The following DCDC2 variants were observed in gnomAD, a reference collection of about 807,000 sequenced individuals.
The protein encoded by DCDC2 is doublecortin domain containing 2.
Under a neutral mutation model 50.2 loss-of-function variants are expected in DCDC2, and 40 were observed. The ratio of observed to expected loss-of-function variants is 0.80; its 90% CI spans 0.62 to 1.04. DCDC2 has a LOEUF of 1.04. Ranked by LOEUF, DCDC2 falls within the 50% of genes least tolerant of loss-of-function variation. The pLI is 0.00. For missense variants in DCDC2, 570 were observed against 581.9 expected (o/e 0.98, Z 0.21); for synonymous variants, 234 against 210.6 (o/e 1.11, Z -0.96).
rs187035128 is a variant in DCDC2 at position 24,194,084 on chromosome 6, A to G, written c.1023+10918T>C. Among the ~76,000 whole-genome samples, 590 of 152,260 alleles carry G rather than the reference A, an allele frequency of 3.9e-3. 3 individuals are homozygous for G. The highest frequency in any genetic ancestry group is 0.013 in the African/African-American group (529 of 41,578). ...AACCAAGCACCTCAGATGTATTAAA[A>G]TGGGAGAGGGGATTAGGAATATAGC... On this transcript the variant is annotated intron_variant, in intron 8 of 9. Coordinates refer to ENST00000378454, the MANE Select transcript of DCDC2 (RefSeq NM_016356.5).
rs1177875923 is a variant in DCDC2 at position 24,282,145 on chromosome 6, A to G, written c.760-3934T>C. Among the ~76,000 whole-genome samples the G allele has an allele frequency of 4.6e-5, 7 of 152,226 alleles. No homozygotes were observed. The East Asian group carries it at 9.6e-4, about 21-fold the overall frequency. On this transcript the variant is annotated intron_variant, in intron 6 of 9. Coordinates refer to ENST00000378454, the MANE Select transcript of DCDC2 (RefSeq NM_016356.5). ...CTGTCCTGCCCTTTGTCTCACATGC[A>G]TATCAGTATATCCAAAAGGAATACC...
intron 2 of DCDC2, among the ~76,000 whole-genome samples, chr6:24,317,970 T>C (rs539838164): frequency 1.3e-3 from 200 of 151,100 alleles, no homozygotes; most frequent in Non-Finnish European, 2.6e-3. Context: ...ACCTACTAGA[T>C]GGCAAACAAT....
chr6:24,227,932 G>A (rs1025241731), intron 7 of DCDC2, among the ~76,000 whole-genome samples: 20 of 152,176 alleles, frequency 1.3e-4, no homozygotes, highest in African/African-American at 4.8e-4. Flanking sequence ...CTGCTTTCAA[G>A]TTGCTGGAAG....
chr6:24,328,897 A>G (rs924237621), intron 2 of DCDC2, among the ~76,000 whole-genome samples: 11 of 152,122 alleles, frequency 7.2e-5, no homozygotes, highest in Non-Finnish European at 1.5e-4. Flanking sequence ...TTTCATCAAC[A>G]TCATGTATCC....
At chr6:24,311,718 A>G (rs1404631303) in intron 2 of DCDC2, among the ~76,000 whole-genome samples, 3 of 152,214 alleles carry the variant, frequency 2.0e-5, no homozygotes, top group African/African-American at 7.2e-5. Flanking sequence ...GTCATGCAGT[A>G]AGCAAAGAAG....
At chr6:24,250,605 C>A (rs913536429) in intron 7 of DCDC2, among the ~76,000 whole-genome samples, 7 of 152,312 alleles carry the variant, frequency 4.6e-5, no homozygotes, top group Admixed American at 6.5e-5. Context: ...ACACAATCTG[C>A]ATGCACAAAT....
chr6:24,272,987 AG>A (rs1763269786), intron 7 of DCDC2, among the ~76,000 whole-genome samples: 4 of 150,522 alleles, frequency 2.7e-5, no homozygotes. Context: ...AACTGGAAAA[AG>A]AAAATGTGTG....
chr6:24,259,999 T>A (rs1212393052), intron 7 of DCDC2, among the ~76,000 whole-genome samples: 1 of 152,188 alleles, frequency 6.6e-6, no homozygotes, highest in Non-Finnish European at 1.5e-5. Flanking sequence ...GGCTAACTGG[T>A]GTTAAAGAGA....
intron 8 of DCDC2, among the ~76,000 whole-genome samples, chr6:24,190,164 G>A (rs9467067): frequency 0.017 from 2,526 of 151,772 alleles, 64 homozygotes; most frequent in African/African-American, 0.052. Context: ...TGTAAGTACA[G>A]AAGAAGAGTG....
rs746210096 is a variant in DCDC2 at position 24,353,569 on chromosome 6, C to G, written c.348G>C (p.Glu116Asp). ...ATTTTCAAAATAATATTTGCATTAC[C>G]TCTGTATTAACAACTTCCATTGGTC... ...KKRPMEVVNTEVKPVIHSRIN... is the reference protein window; with the variant it reads ...KKRPMEVVNTDVKPVIHSRIN... Residue 116 changes from glutamate to aspartate, a missense_variant and splice_region_variant, in exon 2 of 10, where the codon GAG becomes GAC. Physicochemically the swap from Glu to Asp is conservative, Grantham distance 45. Transcript: ENST00000378454. 6.4e-7 allele frequency: 1 copy of G among 1,560,630 alleles called. No homozygotes were observed.
In DCDC2 at chr6:24,222,620, A is replaced by G. The variant is rs116492989; in HGVS notation, c.923-17518T>C. Among the ~76,000 whole-genome samples, 153 of 152,342 alleles carry G rather than the reference A, an allele frequency of 1.0e-3. 2 individuals carry two copies. Among genetic ancestry groups the G allele is most frequent in the African/African-American group, 3.3e-3 (138 of 41,576 alleles). On this transcript the variant is annotated intron_variant, in intron 7 of 9. Transcript: ENST00000378454. The stretch of plus-strand genomic sequence containing the variant: ...TAACTTTGTTTTTATTCTTAGCTCA[A>G]AAGTTAAAAGCAAGGGGTTTAATTT...
chr6:24,365,027 A>G, the DCDC2 span, among the ~76,000 whole-genome samples: 5 of 152,206 alleles, frequency 3.3e-5, no homozygotes, highest in African/African-American at 1.2e-4. Context: ...TCTTGGACCT[A>G]CACATGGGTA....
intron 2 of DCDC2, among the ~76,000 whole-genome samples, chr6:24,304,935 A>G (rs748207413): frequency 2.0e-5 from 3 of 152,190 alleles, no homozygotes; most frequent in Non-Finnish European, 4.4e-5. Context: ...TTAGCTAGCA[A>G]TGCACTAAGC....
At chr6:24,227,319 T>G (rs565581177) in intron 7 of DCDC2, among the ~76,000 whole-genome samples, 1 of 152,258 alleles carries the variant, frequency 6.6e-6, no homozygotes, top group East Asian at 1.9e-4. Flanking sequence ...CCCAGGGAAT[T>G]TGTACTCCCA....
upstream of DCDC2, among the ~76,000 whole-genome samples, chr6:24,362,248 A>T (rs1165742232): frequency 6.7e-6 from 1 of 148,520 alleles, no homozygotes; most frequent in East Asian, 2.0e-4. Flanking sequence ...ATTTAATTGT[A>T]TATTTATACA....
rs541439916 is a variant in DCDC2 at position 24,231,389 on chromosome 6, C to T, written c.923-26287G>A. On this transcript the variant is annotated intron_variant, in intron 7 of 9. Coordinates refer to ENST00000378454, the MANE Select transcript of DCDC2 (RefSeq NM_016356.5). ...GGCCAGGAGCTCTGGTTGCAGGAGA[C>T]CCATGAAGAAGGAAAAGGTATCAGG... Among the ~76,000 whole-genome samples the T allele has an allele frequency of 1.8e-3, 275 of 152,238 alleles. 1 individual carries two copies. Among genetic ancestry groups the T allele is most frequent in the Middle Eastern group, 0.014 (4 of 294 alleles).
chr6:24,233,475 G>C (rs915454514), intron 7 of DCDC2, among the ~76,000 whole-genome samples: 50 of 152,228 alleles, frequency 3.3e-4, no homozygotes, highest in African/African-American at 1.2e-3. Flanking sequence ...CCCCCAATGA[G>C]ATTATAAATT....
At chr6:24,284,441 A>G (rs1763547997) in intron 6 of DCDC2, among the ~76,000 whole-genome samples, 1 of 151,380 alleles carries the variant, frequency 6.6e-6, no homozygotes, top group African/African-American at 2.4e-5. Context: ...CCCCGTCTCT[A>G]CTAAAAAAAA....
chr6:24,244,517 C>T (rs559529067), intron 7 of DCDC2, among the ~76,000 whole-genome samples: 25 of 152,300 alleles, frequency 1.6e-4, no homozygotes, highest in East Asian at 3.9e-4. Context: ...GTAAATGTCA[C>T]GGTGTTCAGT....
Sources: allele counts gnomAD v4.1 joint callset (sites outside exome capture counted in the v4.1 genomes callset), GRCh38; gene constraint gnomAD v4.1.1; transcripts MANE v1.5; gene names NCBI Gene and HGNC (gene_info 2026-07-23, HGNC 2026-07-21).